AIG1: variants seen among roughly 807,000 people sequenced by gnomAD.
The protein encoded by AIG1 is androgen-induced gene 1 protein.
Under a neutral mutation model 31.4 loss-of-function variants are expected in AIG1, and 23 were observed. The ratio of observed to expected loss-of-function variants is 0.73; its 90% CI spans 0.53 to 1.04. The LOEUF is 1.04. Ranked by LOEUF, AIG1 falls within the 50% of genes least tolerant of loss-of-function variation. The pLI, the probability that AIG1 is intolerant of heterozygous loss-of-function variation, is 0.00. For synonymous variants in AIG1, 100 were observed against 110.5 expected (o/e 0.90, Z 0.60); for missense variants, 274 against 295.0 (o/e 0.93, Z 0.52).
rs1396998341 is a variant in AIG1 at position 143,299,374 on chromosome 6, A to C, written c.515+15149A>C. The C allele has an allele frequency of 6.6e-6, 1 of 152,232 alleles. No individual in the cohort carries two copies. Among genetic ancestry groups the C allele is most frequent in the East Asian group, 1.9e-4 (1 of 5,186 alleles). The allele number at this position is 152,232 out of a possible 1,614,324, so 9.4% of individuals were successfully genotyped here. A position where few individuals can be genotyped will look rare whatever the true frequency, so the allele number is the denominator to read the frequency against. On this transcript the variant is annotated intron_variant, in intron 4 of 5. Transcript: ENST00000357847. This position sits in a 1 kb window ranked among gnomAD's most constrained non-coding sequence, Gnocchi z 4.1. ...CATAGGGCAGGTGTAACTGTCATAG[A>C]AGGGCATTGTGTGGGTGCCACAATC...
chr6:143,307,029 C>T (rs1336860954), intron 4 of AIG1, among the ~76,000 whole-genome samples: 1 of 152,152 alleles, frequency 6.6e-6, no homozygotes, highest in Non-Finnish European at 1.5e-5. Flanking sequence ...ACGTAGTTCT[C>T]GAGCCTTGGC....
chr6:143,226,124 T>G (rs543076396), intron 3 of AIG1, among the ~76,000 whole-genome samples: 16 of 152,300 alleles, frequency 1.1e-4, no homozygotes, highest in Admixed American at 7.8e-4. Context: ...GACTTCTGTT[T>G]CAACATTTAT....
At chr6:143,309,583 A>G (rs1185881360) in intron 4 of AIG1, among the ~76,000 whole-genome samples, 1 of 152,052 alleles carries the variant, frequency 6.6e-6, no homozygotes, top group Non-Finnish European at 1.5e-5. Context: ...GCATAAAAAA[A>G]GAAAGAAATG....
chr6:143,081,867 G>C (rs1778286679), intron 1 of AIG1, among the ~76,000 whole-genome samples: 1 of 152,110 alleles, frequency 6.6e-6, no homozygotes, highest in Non-Finnish European at 1.5e-5. Context: ...CCCCATACTA[G>C]GGGTCCTTCT....
chr6:143,093,379 A>T (rs1180036306), intron 1 of AIG1, among the ~76,000 whole-genome samples: 1 of 152,150 alleles, frequency 6.6e-6, no homozygotes, highest in Non-Finnish European at 1.5e-5. Flanking sequence ...CATCCCTCTC[A>T]GCCCTCATAG....
chr6:143,257,546 A>T (rs992223867), intron 3 of AIG1, among the ~76,000 whole-genome samples: 3 of 152,186 alleles, frequency 2.0e-5, no homozygotes, highest in African/African-American at 7.2e-5. Flanking sequence ...TTTTTACAGA[A>T]GGCTTTATGC....
intron 1 of AIG1, among the ~76,000 whole-genome samples, chr6:143,082,863 C>T (rs1002764356): frequency 7.9e-5 from 12 of 152,286 alleles, no homozygotes; most frequent in Admixed American, 3.9e-4. Context: ...AACACTGGGG[C>T]TTGGGTTAGG....
intron 3 of AIG1, among the ~76,000 whole-genome samples, chr6:143,180,258 A>G (rs1229474737): frequency 6.6e-6 from 1 of 152,190 alleles, no homozygotes; most frequent in African/African-American, 2.4e-5. Context: ...ACCCTGATAG[A>G]TATTGTGAGG....
intron 1 of AIG1, among the ~76,000 whole-genome samples, chr6:143,127,575 CT>C (rs944921458): frequency 6.6e-6 from 1 of 152,100 alleles, no homozygotes; most frequent in African/African-American, 2.4e-5. Flanking sequence ...TAAAATGCTG[CT>C]TTTCTTATTT....
chr6:143,165,331 G>C, intron 3 of AIG1, 148 bp downstream of exon 3: 1 of 610,908 alleles, frequency 1.6e-6, no homozygotes, highest in Admixed American at 3.0e-5. Flanking sequence ...AGAGAATACT[G>C]TAATATTTAC....
intron 1 of AIG1, among the ~76,000 whole-genome samples, chr6:143,088,020 A>T (rs1778961510): frequency 2.0e-5 from 3 of 152,186 alleles, no homozygotes; most frequent in Non-Finnish European, 4.4e-5. Context: ...TTGGGCTCAT[A>T]AAACCTTGAG....
chr6:143,195,909 T>C (rs950788423), intron 3 of AIG1, among the ~76,000 whole-genome samples: 1 of 152,152 alleles, frequency 6.6e-6, no homozygotes, highest in Non-Finnish European at 1.5e-5. Context: ...TGTGGCATGT[T>C]TTTAGGGGAA....
Position 143,258,244 on chromosome 6 carries a change from C to T in AIG1, c.400-25866C>T, listed in dbSNP as rs901586322. ...ACAAAAGCCTTCCACCCTGTCTCAT[C>T]TGTCACTAAATGGGAGACTATTGAT... On this transcript the variant is annotated intron_variant, in intron 3 of 5. Transcript: ENST00000357847. The surrounding 1 kb of genome is among the most constrained non-coding windows in gnomAD (Gnocchi z 4.7). Among the ~76,000 whole-genome samples, 1 of 152,250 alleles carries T rather than the reference C, an allele frequency of 6.6e-6. No individual in the cohort carries two copies. Among genetic ancestry groups the T allele is most frequent in the African/African-American group, 2.4e-5 (1 of 41,478 alleles).
At chr6:143,252,173 G>A (rs945496351) in intron 3 of AIG1, among the ~76,000 whole-genome samples, 52 of 152,184 alleles carry the variant, frequency 3.4e-4, no homozygotes, top group African/African-American at 1.2e-3. Context: ...AGGCTGGAGT[G>A]CAATGGCACG....
chr6:143,298,956 T>C lies in AIG1; in HGVS notation c.515+14731T>C, dbSNP rs1168004925. ...CTAAAGCCAGTAATAGCAGGACACA[T>C]GGTAGTACTACCAGACCAGATGGGA... On this transcript the variant is annotated intron_variant, in intron 4 of 5. Transcript: ENST00000357847. The surrounding 1 kb of genome is among the most constrained non-coding windows in gnomAD (Gnocchi z 5.1). 1 of 152,222 alleles carries C rather than the reference T, an allele frequency of 6.6e-6. No homozygotes were observed. Among genetic ancestry groups the C allele is most frequent in the Non-Finnish European group, 1.5e-5 (1 of 68,028 alleles). The allele number at this position is 152,222 out of a possible 1,614,324, so 9.4% of individuals were successfully genotyped here.
At chr6:143,317,766 T>C (rs1327455539) in intron 4 of AIG1, among the ~76,000 whole-genome samples, 1 of 152,090 alleles carries the variant, frequency 6.6e-6, no homozygotes, top group Non-Finnish European at 1.5e-5. Flanking sequence ...TCCAGAAAGC[T>C]CCTAGAACTA....
At chr6:143,060,654 G>C (rs1012330684), upstream of AIG1, 1 of 456,264 alleles carries the variant, frequency 2.2e-6, no homozygotes, top group Non-Finnish European at 4.5e-6. Context: ...AATGACGAAG[G>C]TGACGAAAGA....
At position 143,325,771 on chromosome 6, in the gene AIG1, C is replaced by G. The variant is rs1385600963; in HGVS notation, c.516-7511C>G. Among the ~76,000 whole-genome samples, 6 of 152,052 alleles carry G rather than the reference C, an allele frequency of 3.9e-5. No homozygotes were observed. Among genetic ancestry groups the G allele is most frequent in the African/African-American group, 1.2e-4 (5 of 41,378 alleles). ...TTCTTATCATCATTATATGCAAGGCCCTGTAATATTTTCTCCTCTGTTCAC... is the reference window on the plus strand; with the variant it reads ...TTCTTATCATCATTATATGCAAGGCGCTGTAATATTTTCTCCTCTGTTCAC... On this transcript the variant is annotated intron_variant, in intron 4 of 5. Coordinates refer to ENST00000357847, the MANE Select transcript of AIG1 (RefSeq NM_016108.4). This position sits in a 1 kb window ranked among gnomAD's most constrained non-coding sequence, Gnocchi z 4.3.
chr6:143,310,782 G>T (rs148544514), intron 4 of AIG1, among the ~76,000 whole-genome samples: 1 of 151,642 alleles, frequency 6.6e-6, no homozygotes, highest in South Asian at 2.1e-4. Context: ...TGAGCCTATG[G>T]ACATTAAAAG....
Sources: allele counts gnomAD v4.1 joint callset (sites outside exome capture counted in the v4.1 genomes callset), GRCh38; gene constraint gnomAD v4.1.1; non-coding constraint Gnocchi (gnomAD v3.1); transcripts MANE v1.5; gene names NCBI Gene and HGNC (gene_info 2026-07-23, HGNC 2026-07-21).